The following KIAA0825 variants were observed in gnomAD, a reference collection of about 807,000 sequenced individuals.
KIAA0825 encodes KIAA0825.
In KIAA0825, 119 loss-of-function variants were observed where a neutral mutation model predicts 147.6. That is an observed-to-expected ratio of 0.81 (90% CI 0.69 to 0.94). KIAA0825 has a LOEUF of 0.94. Among genes scored for constraint, KIAA0825 ranks in the 40% least tolerant of loss-of-function variants. The pLI is 0.00. For synonymous variants in KIAA0825, 470 were observed against 518.1 expected (o/e 0.91, Z 1.26); for missense variants, 1,381 against 1,472.7 (o/e 0.94, Z 1.02).
intron 20 of KIAA0825, among the ~76,000 whole-genome samples, chr5:94,249,545 G>T (rs1234599373): frequency 6.6e-6 from 1 of 152,056 alleles, no homozygotes; most frequent in Admixed American, 6.6e-5. Flanking sequence ...TAACACCCAG[G>T]TTGCATGCCC....
chr5:94,207,008 T>G (rs1189942517), intron 20 of KIAA0825, among the ~76,000 whole-genome samples: 1 of 152,196 alleles, frequency 6.6e-6, no homozygotes, highest in Non-Finnish European at 1.5e-5. Flanking sequence ...TTTAGTTATT[T>G]ATTTTGAAAT....
chr5:94,314,237 C>CA (rs1308990833), intron 20 of KIAA0825, among the ~76,000 whole-genome samples: 1 of 151,572 alleles, frequency 6.6e-6, no homozygotes, highest in Non-Finnish European at 1.5e-5. Flanking sequence ...AAAAAATGTG[C>CA]AGAAGCAATA....
At position 94,462,460 on chromosome 5, in the gene KIAA0825, T is replaced by A. The variant is rs956457873; in HGVS notation, c.2173A>T (p.Lys725Ter). Residue 725 changes from lysine to a stop codon, truncating the protein, a stop_gained, in exon 12 of 21, where the codon AAA becomes TAA. Transcript: ENST00000682413. LOFTEE classifies it high-confidence loss of function. ...PHQHTDDKIF[K>*]IHTHCNNLFT... ...AGATTATTACAATGAGTGTGAATTT[T>A]AAAAATTTTATCATCTGTATGCTGA... is the stretch of plus-strand genomic sequence containing the variant. The A allele has an allele frequency of 4.6e-6, 7 of 1,531,282 alleles. No homozygotes were observed. The highest frequency in any genetic ancestry group is 4.1e-5 in the African/African-American group (3 of 72,506). The allele number at this position is 1,531,282 out of a possible 1,614,324, so 94.9% of individuals were successfully genotyped here. A position where few individuals can be genotyped will look rare whatever the true frequency, so the allele number is the denominator to read the frequency against.
chr5:94,536,850 A>G, intron 3 of KIAA0825, 146 bp downstream of exon 3: 1 of 532,086 alleles, frequency 1.9e-6, no homozygotes, highest in Non-Finnish European at 3.3e-6. Flanking sequence ...ACTTTAAGTG[A>G]GAGGGGGGTC....
intron 20 of KIAA0825, among the ~76,000 whole-genome samples, chr5:94,190,491 A>ATTT (rs70975895): frequency 6.2e-4 from 66 of 106,246 alleles, no homozygotes; most frequent in South Asian, 5.7e-3. Context: ...ACGCCCAGCT[A>ATTT]TTTTTTTTTT....
rs1749894836 is a variant in KIAA0825 at position 94,391,521 on chromosome 5, G to A, written c.3456+14C>T. On this transcript the variant is annotated intron_variant, in intron 18 of 20. Transcript: ENST00000682413. ...TACACACCTAATTGCTCGATAAAAA[G>A]GCCGTTTCCCTACCTCATTGAGCTG... 1 of 1,551,208 alleles carries A rather than the reference G, an allele frequency of 6.4e-7. No homozygotes were observed. Among genetic ancestry groups the A allele is most frequent in the African/African-American group, 1.4e-5 (1 of 73,010 alleles).
In KIAA0825 at chr5:94,328,460, A is replaced by C. The variant is rs145309382; in HGVS notation, c.3710+55908T>G. Among the ~76,000 whole-genome samples, 334 of 152,160 alleles carry C rather than the reference A, an allele frequency of 2.2e-3. 1 individual carries two copies. Among genetic ancestry groups the C allele is most frequent in the African/African-American group, 7.8e-3 (323 of 41,572 alleles). On this transcript the variant is annotated intron_variant, in intron 20 of 20. Transcript: ENST00000682413. ...CAATACAGGATCTTATAGAACAATA[A>C]AGTGAATAGAGATTGATATTGCATT... is the stretch of plus-strand genomic sequence containing the variant.
intron 20 of KIAA0825, among the ~76,000 whole-genome samples, chr5:94,310,404 T>G (rs994851748): frequency 8.6e-5 from 13 of 151,752 alleles, no homozygotes; most frequent in African/African-American, 3.1e-4. Flanking sequence ...TTTCATGTTT[T>G]GTCATTGAGA....
intron 5 of KIAA0825, among the ~76,000 whole-genome samples, chr5:94,494,450 G>A (rs371321983): frequency 5.9e-4 from 89 of 150,716 alleles, no homozygotes; most frequent in African/African-American, 2.0e-3. Context: ...CCAAAACTGA[G>A]AACTGTATTC....
intron 20 of KIAA0825, among the ~76,000 whole-genome samples, chr5:94,259,884 A>T (rs1233364847): frequency 6.6e-6 from 1 of 151,932 alleles, no homozygotes; most frequent in Non-Finnish European, 1.5e-5. Context: ...ACTTCAAGTC[A>T]CTCAGCATGC....
chr5:94,565,143 A>G (rs1239427401), intron 2 of KIAA0825, among the ~76,000 whole-genome samples: 1 of 117,008 alleles, frequency 8.5e-6, no homozygotes, highest in Non-Finnish European at 1.7e-5. Context: ...ACTGTTGTCC[A>G]AGCTGGTCTC....
chr5:94,520,236 A>T lies in KIAA0825; in HGVS notation c.970+12T>A. 6.4e-7 allele frequency: 1 copy of T among 1,552,120 alleles called. No individual in the cohort carries two copies. The highest frequency in any genetic ancestry group is 8.7e-7 in the Non-Finnish European group (1 of 1,152,428). On this transcript the variant is annotated intron_variant, in intron 5 of 20. Transcript: ENST00000682413. ...TAAGTTAAACCAAACAAAAATTTTA[A>T]ATGTCACTAACCCAAAGCATGCACT... is the stretch of plus-strand genomic sequence containing the variant.
intron 20 of KIAA0825, among the ~76,000 whole-genome samples, chr5:94,162,480 A>G (rs1285426588): frequency 6.6e-6 from 1 of 151,168 alleles, no homozygotes; most frequent in Non-Finnish European, 1.5e-5. Context: ...TTTTTTAAGC[A>G]TTTTTCTGTA....
chr5:94,306,860 G>T (rs1778776806), intron 20 of KIAA0825, among the ~76,000 whole-genome samples: 1 of 151,738 alleles, frequency 6.6e-6, no homozygotes, highest in Admixed American at 6.6e-5. Flanking sequence ...AAGAACACAT[G>T]ATAGTCATCA....
At chr5:94,286,166 A>T (rs756097886) in intron 20 of KIAA0825, among the ~76,000 whole-genome samples, 1 of 152,194 alleles carries the variant, frequency 6.6e-6, no homozygotes, top group Non-Finnish European at 1.5e-5. Flanking sequence ...CCAAGCAAAA[A>T]TATTGAGTGC....
intron 20 of KIAA0825, among the ~76,000 whole-genome samples, chr5:94,289,049 A>C (rs1381201889): frequency 6.6e-6 from 1 of 152,188 alleles, no homozygotes; most frequent in Non-Finnish European, 1.5e-5. Flanking sequence ...TTAAGGCCCA[A>C]GTACTTTTCC....
intron 1 of KIAA0825, among the ~76,000 whole-genome samples, chr5:94,583,025 G>A (rs1782511836): frequency 6.6e-6 from 1 of 152,154 alleles, no homozygotes; most frequent in South Asian, 2.1e-4. Flanking sequence ...GGGTGATCCT[G>A]TTAAAAACAG....
At chr5:94,436,500 A>T (rs999416491) in intron 14 of KIAA0825, among the ~76,000 whole-genome samples, 1 of 152,132 alleles carries the variant, frequency 6.6e-6, no homozygotes, top group African/African-American at 2.4e-5. Flanking sequence ...TTATACCAGT[A>T]CCATGCCATT....
At chr5:94,529,083 C>T (rs1051707016) in intron 3 of KIAA0825, among the ~76,000 whole-genome samples, 1 of 151,194 alleles carries the variant, frequency 6.6e-6, no homozygotes, top group African/African-American at 2.4e-5. Context: ...AATCATTAAG[C>T]CAGACAACAG....
Sources: allele counts gnomAD v4.1 joint callset (sites outside exome capture counted in the v4.1 genomes callset), GRCh38; gene constraint gnomAD v4.1.1; transcripts MANE v1.5; gene names NCBI Gene and HGNC (gene_info 2026-07-23, HGNC 2026-07-21).